Variants in RMND1 observed in about 807,000 individuals in gnomAD.
RMND1 encodes required for meiotic nuclear division protein 1 homolog.
In RMND1, 41 loss-of-function variants were observed where a neutral mutation model predicts 54.0. That is an observed-to-expected ratio of 0.76 (90% confidence interval 0.59 to 0.98). RMND1 has a LOEUF of 0.98. RMND1 is among the 50% of genes least tolerant of loss of function. The pLI, the probability that RMND1 is intolerant of heterozygous loss-of-function variation, is 0.00. For synonymous variants in RMND1, 183 were observed against 181.7 expected (o/e 1.01, Z -0.06); for missense variants, 457 against 532.0 (o/e 0.86, Z 1.39).
At chr6:151,412,519 CTG>C (rs887727329) in intron 10 of RMND1, among the ~76,000 whole-genome samples, 2 of 152,176 alleles carry the variant, frequency 1.3e-5, no homozygotes, top group Non-Finnish European at 2.9e-5. Context: ...TTGCAAAAGA[CTG>C]TGACTTCTGT....
At chr6:151,435,507 T>C (rs1780577923) in intron 3 of RMND1, among the ~76,000 whole-genome samples, 1 of 151,996 alleles carries the variant, frequency 6.6e-6, no homozygotes, top group Admixed American at 6.6e-5. Context: ...GATTTCACCA[T>C]AAAAATCCTC....
At chr6:151,447,166 C>G (rs1273726992) in intron 1 of RMND1, among the ~76,000 whole-genome samples, 1 of 152,032 alleles carries the variant, frequency 6.6e-6, no homozygotes, top group Non-Finnish European at 1.5e-5. Flanking sequence ...ATTCATCTCC[C>G]CATCTCGGGG....
Position 151,445,568 on chromosome 6 carries a change from G to C in RMND1, c.244C>G (p.Pro82Ala). 6.2e-7 allele frequency: 1 copy of C among 1,614,202 alleles called. No homozygotes were observed. The highest frequency in any genetic ancestry group is 8.5e-7 in the Non-Finnish European group (1 of 1,180,040). ...QKKSDTSMLS[P>A]LNAARCQDEK... The stretch of plus-strand genomic sequence containing the variant: ...TCTTGGCAACGAGCAGCATTTAATG[G>C]AGACAGCATGCTGGTATCTGACTTT... Residue 82 changes from proline to alanine, a missense_variant, in exon 2 of 12, where the codon CCA becomes GCA. Pro to Ala is a conservative substitution (Grantham distance 27). Coordinates refer to ENST00000444024, the MANE Select transcript of RMND1 (RefSeq NM_017909.4).
At chr6:151,449,323 C>T (rs1319783406) in intron 1 of RMND1, among the ~76,000 whole-genome samples, 3 of 147,298 alleles carry the variant, frequency 2.0e-5, no homozygotes, top group Admixed American at 6.8e-5. Context: ...GAGCCGAGAT[C>T]GCGCCACTGC....
chr6:151,424,035 G>C (rs948620396), intron 6 of RMND1, among the ~76,000 whole-genome samples: 3 of 151,894 alleles, frequency 2.0e-5, no homozygotes, highest in Non-Finnish European at 4.4e-5. Flanking sequence ...ATTTTTAATA[G>C]AGATAGAGTT....
At chr6:151,449,369 G>GA (rs111743448) in intron 1 of RMND1, among the ~76,000 whole-genome samples, 12,987 of 111,446 alleles carry the variant, frequency 0.12, 790 homozygotes, top group East Asian at 0.2. Flanking sequence ...ATTCTGTAAC[G>GA]AAAAAAAAAA....
chr6:151,407,898 G>A lies in RMND1; in HGVS notation c.1201-2062C>T, dbSNP rs552826271. Among the ~76,000 whole-genome samples, 341 of 152,120 alleles carry A rather than the reference G, an allele frequency of 2.2e-3. 3 individuals are homozygous for A. The highest frequency in any genetic ancestry group is 0.017 in the Middle Eastern group (5 of 294). ...TGCACTCCAGCCTGGGCGACAGAGC[G>A]AGACTCCGTCACACACACAAAAAAA... On this transcript the variant is annotated intron_variant, in intron 10 of 11. Coordinates refer to ENST00000444024, the MANE Select transcript of RMND1 (RefSeq NM_017909.4).
rs1780147203 is a variant in RMND1 at position 151,421,384 on chromosome 6, G to A, written c.1003-63C>T. ...TATCTCTCTTTCTAATAAGCATTAG[G>A]TCAACAGGGCAAAATCTGAAGTGGC... is the stretch of plus-strand genomic sequence containing the variant. On this transcript the variant is annotated intron_variant, in intron 8 of 11. Coordinates refer to ENST00000444024, the MANE Select transcript of RMND1 (RefSeq NM_017909.4). 6 of 1,167,584 alleles carry A rather than the reference G, an allele frequency of 5.1e-6. No individual in the cohort carries two copies. The South Asian group carries it at 6.8e-5, about 13-fold the overall frequency. The allele number at this position is 1,167,584 out of a possible 1,614,324, so 72.3% of individuals were successfully genotyped here. A position where few individuals can be genotyped will look rare whatever the true frequency, so the allele number is the denominator to read the frequency against.
chr6:151,409,458 A>G (rs1159789274), intron 10 of RMND1, among the ~76,000 whole-genome samples: 1 of 152,204 alleles, frequency 6.6e-6, no homozygotes, highest in Non-Finnish European at 1.5e-5. Flanking sequence ...TAGAGAACTG[A>G]AAAGGTTTAC....
intron 9 of RMND1, chr6:151,420,977 A>G (rs1319608586): frequency 4.0e-6 from 1 of 251,402 alleles, no homozygotes; most frequent in Non-Finnish European, 7.6e-6. Context: ...TTCTACCTTC[A>G]AAGAACACCT....
At position 151,424,198 on chromosome 6, in the gene RMND1, C is replaced by T. The variant is rs371053981; in HGVS notation, c.831-567G>A. Among the ~76,000 whole-genome samples the T allele has an allele frequency of 2.4e-3, 372 of 152,158 alleles. 1 individual carries two copies. The highest frequency in any genetic ancestry group is 8.2e-3 in the African/African-American group (342 of 41,556). On this transcript the variant is annotated intron_variant, in intron 6 of 11. Transcript: ENST00000444024. The stretch of plus-strand genomic sequence containing the variant: ...AGTGTTGGCTGGGCACGGTGGCTCA[C>T]GCCTGTAACCCCAGCACTCCGGGAG...
At position 151,415,585 on chromosome 6, in the gene RMND1, C is replaced by T. The variant is rs375478774; in HGVS notation, c.1200+1694G>A. Among the ~76,000 whole-genome samples, 327 of 151,848 alleles carry T rather than the reference C, an allele frequency of 2.2e-3. 1 individual carries two copies. The highest frequency in any genetic ancestry group is 6.8e-3 in the Middle Eastern group (2 of 294). ...GCCAGTTAAAAAGTCACATACAGAT[C>T]GAGACCATCCTGGCTAAACACAGTG... On this transcript the variant is annotated intron_variant, in intron 10 of 11. Transcript: ENST00000444024.
chr6:151,438,851 C>T (rs56313107), intron 2 of RMND1, among the ~76,000 whole-genome samples: 16,937 of 151,420 alleles, frequency 0.11, 954 homozygotes, highest in Middle Eastern at 0.18. Flanking sequence ...CAATGACTCA[C>T]GTCTGTAATC....
rs1554345810 is a variant in RMND1 at position 151,436,115 on chromosome 6, A to AAC, written c.613+330_613+331insGT. The AAC allele has an allele frequency of 6.1e-5, 12 of 198,144 alleles. No homozygotes were observed. In the East Asian group the frequency reaches 7.2e-4, roughly 12 times the overall value. The allele number at this position is 198,144 out of a possible 1,614,324, so 12.3% of individuals were successfully genotyped here. ...AGTGAAACTCCATCCCAAAAAACAAAAAAAAAAAAAACACAAAACACACAC... is the reference window on the plus strand; with the variant it reads ...AGTGAAACTCCATCCCAAAAAACAAAACAAAAAAAAAAACACAAAACACACAC... On this transcript the variant is annotated intron_variant, in intron 3 of 11. Coordinates refer to ENST00000444024, the MANE Select transcript of RMND1 (RefSeq NM_017909.4).
At chr6:151,444,886 C>T (rs774751135) in intron 2 of RMND1, 7 of 155,720 alleles carry the variant, frequency 4.5e-5, no homozygotes, top group Admixed American at 2.6e-4. Context: ...GTCATTTCAC[C>T]GCCCCATGCA....
At chr6:151,407,088 A>G (rs996091830) in intron 10 of RMND1, among the ~76,000 whole-genome samples, 1 of 152,020 alleles carries the variant, frequency 6.6e-6, no homozygotes, top group Non-Finnish European at 1.5e-5. Context: ...CAGGTGGTCA[A>G]GGCTGCAATG....
Position 151,405,299 on chromosome 6 carries a change from C to T in RMND1, c.1318-32G>A, listed in dbSNP as rs372597270. On this transcript the variant is annotated intron_variant, in intron 11 of 11. Coordinates refer to ENST00000444024, the MANE Select transcript of RMND1 (RefSeq NM_017909.4). ...ATAGAAAGTGAGAATTATTTCATGA[C>T]GGGCAAATTATGGGTACAAACTAAA... 72 of 1,598,990 alleles carry T rather than the reference C, an allele frequency of 4.5e-5. No individual in the cohort carries two copies. The East Asian group carries it at 5.4e-4, about 12-fold the overall frequency.
chr6:151,436,591 G>A, intron 2 of RMND1, 37 bp from the exon 3 acceptor site: 1 of 1,608,212 alleles, frequency 6.2e-7, no homozygotes, highest in Non-Finnish European at 8.5e-7. Flanking sequence ...GGGTTACCAA[G>A]AGGCTGAAGC....
At chr6:151,413,593 A>C (rs141077537) in intron 10 of RMND1, among the ~76,000 whole-genome samples, 137 of 152,350 alleles carry the variant, frequency 9.0e-4, no homozygotes, top group African/African-American at 3.1e-3. Context: ...ACACAGCAAT[A>C]GCTAACACAA....
Sources: gnomAD v4.1 joint callset for allele counts (sites outside exome capture counted in the v4.1 genomes callset) on GRCh38, gnomAD v4.1.1 for gene constraint, MANE v1.5 for transcripts, NCBI Gene and HGNC (gene_info 2026-07-23, HGNC 2026-07-21) for gene names.